Variants in FHIT observed in about 807,000 individuals in gnomAD.
FHIT encodes bis(5'-adenosyl)-triphosphatase.
A neutral mutation model predicts 17.9 loss-of-function variants in FHIT; 19 were observed. The observed-to-expected ratio is 1.06, with a 90% confidence interval of 0.74 to 1.56. The LOEUF (loss-of-function observed/expected upper bound fraction) is 1.56, where lower values mean the gene tolerates loss of function less well. Among genes scored for constraint, FHIT ranks in the 40% most tolerant of loss-of-function variants. The pLI is 0.00. For synonymous variants in FHIT, 81 were observed against 69.7 expected (o/e 1.16, Z -0.81); for missense variants, 248 against 189.2 (o/e 1.31, Z -1.82).
At chr3:60,837,618 A>G (rs557372417) in intron 3 of FHIT, among the ~76,000 whole-genome samples, 2 of 152,180 alleles carry the variant, frequency 1.3e-5, no homozygotes, top group East Asian at 3.9e-4. Context: ...AATTATTGAT[A>G]TTTTAGAATT....
intron 7 of FHIT, among the ~76,000 whole-genome samples, chr3:59,941,841 G>A (rs1489542606): frequency 6.6e-6 from 1 of 152,190 alleles, no homozygotes; most frequent in Non-Finnish European, 1.5e-5. Flanking sequence ...GATATAGTGT[G>A]TTAAGGTGAT....
At chr3:59,879,135 A>G (rs1703293408) in intron 8 of FHIT, among the ~76,000 whole-genome samples, 1 of 152,202 alleles carries the variant, frequency 6.6e-6, no homozygotes, top group South Asian at 2.1e-4. Context: ...CACTTCTCCC[A>G]GAGATTACTG....
At position 60,323,327 on chromosome 3, in the gene FHIT, A is replaced by C. The variant is rs13096288; in HGVS notation, c.103+213533T>G. On this transcript the variant is annotated intron_variant, in intron 5 of 9. Coordinates refer to ENST00000492590, the MANE Select transcript of FHIT (RefSeq NM_002012.4). ...CCATTATTTTCACTTTGCCAACTAC[A>C]TGGATAATAAAGAAAAAAATGAGAA... 4.2e-3 allele frequency among the ~76,000 whole-genome samples: 632 copies of C among 152,256 alleles called. 2 individuals carry two copies. The highest frequency in any genetic ancestry group is 0.014 in the African/African-American group (573 of 41,550).
At chr3:59,842,496 G>A (rs1011813467) in intron 8 of FHIT, among the ~76,000 whole-genome samples, 1 of 152,136 alleles carries the variant, frequency 6.6e-6, no homozygotes, top group African/African-American at 2.4e-5. Flanking sequence ...CTGCCACACT[G>A]TTTTCCACAG....
At chr3:60,006,393 A>T (rs866571627) in intron 7 of FHIT, among the ~76,000 whole-genome samples, 1 of 152,162 alleles carries the variant, frequency 6.6e-6, no homozygotes, top group Non-Finnish European at 1.5e-5. Context: ...AACCATCTCA[A>T]TGCTAGTTAC....
intron 8 of FHIT, among the ~76,000 whole-genome samples, chr3:59,821,284 A>T (rs549916208): frequency 7.9e-5 from 12 of 152,312 alleles, no homozygotes; most frequent in African/African-American, 2.6e-4. Flanking sequence ...AACAAACATG[A>T]TAATATTTGT....
intron 4 of FHIT, among the ~76,000 whole-genome samples, chr3:60,619,151 T>G (rs2039040491): frequency 6.6e-6 from 1 of 152,188 alleles, no homozygotes; most frequent in African/African-American, 2.4e-5. Flanking sequence ...AATACAATCC[T>G]TTAGTATCAT....
chr3:60,760,016 C>T (rs1167839027), intron 4 of FHIT, among the ~76,000 whole-genome samples: 2 of 151,594 alleles, frequency 1.3e-5, no homozygotes, highest in African/African-American at 2.4e-5. Context: ...TTTCTTTTCT[C>T]CCTCTCTTAC....
intron 1 of FHIT, among the ~76,000 whole-genome samples, chr3:61,223,611 C>T (rs1397513630): frequency 1.3e-5 from 2 of 152,208 alleles, no homozygotes; most frequent in Admixed American, 6.5e-5. Flanking sequence ...GCAAAGTACA[C>T]AAGAGTTGGA....
intron 2 of FHIT, among the ~76,000 whole-genome samples, chr3:61,131,157 T>C (rs2036752619): frequency 6.6e-6 from 1 of 152,166 alleles, no homozygotes; most frequent in Non-Finnish European, 1.5e-5. Context: ...GTAAAAATAA[T>C]ACTTCCTCCA....
chr3:60,707,617 C>G (rs1577093869), intron 4 of FHIT, among the ~76,000 whole-genome samples: 1 of 152,156 alleles, frequency 6.6e-6, no homozygotes, highest in Non-Finnish European at 1.5e-5. Flanking sequence ...TACAAGGTAG[C>G]AATTAGAGTC....
At chr3:59,751,490 A>AAT in intron 9 of FHIT, 1 of 210,594 alleles carries the variant, frequency 4.7e-6, no homozygotes, top group East Asian at 7.2e-5. Flanking sequence ...TAGGAGGGAT[A>AAT]ATATAGATTG....
intron 3 of FHIT, among the ~76,000 whole-genome samples, chr3:60,952,736 T>C (rs1453299418): frequency 1.3e-5 from 2 of 152,180 alleles, no homozygotes; most frequent in African/African-American, 2.4e-5. Flanking sequence ...GAAAGTCTCA[T>C]TCTTATCATC....
chr3:61,004,036 T>A (rs1418145747), intron 3 of FHIT, among the ~76,000 whole-genome samples: 1 of 152,172 alleles, frequency 6.6e-6, no homozygotes, highest in African/African-American at 2.4e-5. Flanking sequence ...GAGTGTCTAC[T>A]AAGCACAGTG....
At chr3:59,919,481 G>A (rs1705300740) in intron 8 of FHIT, among the ~76,000 whole-genome samples, 1 of 152,076 alleles carries the variant, frequency 6.6e-6, no homozygotes. Flanking sequence ...CCCTCTACAA[G>A]TCTTCCTTTT....
Position 60,135,921 on chromosome 3 carries a change from G to GC in FHIT, c.104-121770dup, listed in dbSNP as rs1239759399. Among the ~76,000 whole-genome samples the GC allele has an allele frequency of 3.3e-5, 5 of 151,840 alleles. No homozygotes were observed. The East Asian group carries it at 7.7e-4, about 24-fold the overall frequency. Reference sequence around the variant, plus strand: ...AAATCCACCTAAACTGTCCATCATCGCCCCCTCCCCACCAACAATGCTCTC... The same window carrying GC: ...AAATCCACCTAAACTGTCCATCATCGCCCCCCTCCCCACCAACAATGCTCTC... On this transcript the variant is annotated intron_variant, in intron 5 of 9. Transcript: ENST00000492590.
At chr3:59,777,884 T>C (rs1324243668) in intron 8 of FHIT, among the ~76,000 whole-genome samples, 1 of 152,198 alleles carries the variant, frequency 6.6e-6, no homozygotes, top group Non-Finnish European at 1.5e-5. Flanking sequence ...GAAAACTCTC[T>C]ACCCCAGGTT....
chr3:60,783,026 A>G (rs1700444667), intron 4 of FHIT, among the ~76,000 whole-genome samples: 1 of 152,166 alleles, frequency 6.6e-6, no homozygotes, highest in Admixed American at 6.5e-5. Context: ...CCTGTTGCCC[A>G]GGCTGATGTG....
chr3:60,136,166 T>G (rs114755044), intron 5 of FHIT, among the ~76,000 whole-genome samples: 2,042 of 152,174 alleles, frequency 0.013, 39 homozygotes, highest in African/African-American at 0.046. Context: ...TGACTCTTGC[T>G]GCTATCTGAT....
Sources: gnomAD v4.1 joint callset for allele counts (sites outside exome capture counted in the v4.1 genomes callset) on GRCh38, gnomAD v4.1.1 for gene constraint, MANE v1.5 for transcripts, NCBI Gene and HGNC (gene_info 2026-07-23, HGNC 2026-07-21) for gene names.